The following ZNF532 variants were observed in gnomAD, a reference collection of about 807,000 sequenced individuals.
The protein encoded by ZNF532 is zinc finger protein 532.
Under a neutral mutation model 89.3 loss-of-function variants are expected in ZNF532, and 22 were observed. The observed-to-expected ratio is 0.25, with a 90% CI of 0.18 to 0.35. The LOEUF is 0.35. Ranked by LOEUF, ZNF532 falls within the 10% of genes least tolerant of loss-of-function variation. ZNF532 has a pLI of 1.00. For missense variants in ZNF532, 1,132 were observed against 1,643.4 expected (o/e 0.69, Z 5.38); for synonymous variants, 606 against 649.6 (o/e 0.93, Z 1.02).
chr18:58,983,108 T>C (rs1350451881), intron 9 of ZNF532, among the ~76,000 whole-genome samples: 1 of 151,900 alleles, frequency 6.6e-6, no homozygotes, highest in Non-Finnish European at 1.5e-5. Context: ...CGAGACTCCG[T>C]CTTAAAAAAA....
At chr18:58,863,897 G>A (rs1304869580), upstream of ZNF532, 1 of 152,218 alleles carries the variant, frequency 6.6e-6, no homozygotes, top group East Asian at 2.0e-4. Context: ...GCCGGGGTGA[G>A]CGCGTGAGGC....
At chr18:58,957,406 C>CACATAT (rs1555751185) in intron 7 of ZNF532, among the ~76,000 whole-genome samples, 3 of 138,912 alleles carry the variant, frequency 2.2e-5, no homozygotes, top group South Asian at 2.4e-4. Context: ...ACTTAAAATA[C>CACATAT]ATATATATAT....
chr18:58,943,500 G>T (rs2063395766), intron 5 of ZNF532, among the ~76,000 whole-genome samples: 1 of 143,012 alleles, frequency 7.0e-6, no homozygotes, highest in Non-Finnish European at 1.5e-5. Context: ...GTCTCGCTCT[G>T]TTGCCAGGCT....
At chr18:58,874,991 A>G (rs967199996) in intron 2 of ZNF532, among the ~76,000 whole-genome samples, 2 of 152,152 alleles carry the variant, frequency 1.3e-5, no homozygotes, top group Non-Finnish European at 2.9e-5. Flanking sequence ...ACATATGACT[A>G]CTGAGCACTT....
chr18:58,953,437 C>G (rs1416219126), intron 6 of ZNF532, 81 bp from the exon 7 acceptor site: 1 of 1,242,526 alleles, frequency 8.0e-7, no homozygotes, highest in African/African-American at 1.5e-5. Flanking sequence ...GAAATGTGTA[C>G]CACATGTTAA....
chr18:58,882,148 C>T (rs923923977), intron 2 of ZNF532, among the ~76,000 whole-genome samples: 3 of 152,010 alleles, frequency 2.0e-5, no homozygotes, highest in Admixed American at 6.6e-5. Flanking sequence ...TTAGTAGAGA[C>T]GGGGTTTCAC....
At chr18:58,911,420 T>C (rs1020571543) in intron 2 of ZNF532, among the ~76,000 whole-genome samples, 2 of 152,144 alleles carry the variant, frequency 1.3e-5, no homozygotes, top group Admixed American at 6.5e-5. Flanking sequence ...AGGGAGAGAT[T>C]AGTAACATCT....
chr18:58,933,140 G>T (rs117001517), intron 3 of ZNF532, among the ~76,000 whole-genome samples: 1,779 of 152,156 alleles, frequency 0.012, 18 homozygotes, highest in South Asian at 0.041. Context: ...CCTTGCTGTG[G>T]CTTGTTCTAA....
At chr18:58,905,166 A>G (rs972231993) in intron 2 of ZNF532, among the ~76,000 whole-genome samples, 2 of 152,180 alleles carry the variant, frequency 1.3e-5, no homozygotes, top group East Asian at 1.9e-4. Context: ...CTAATAACCT[A>G]TGGTTTAAAA....
At chr18:58,978,270 ATAT>A (rs1170340407) in intron 7 of ZNF532, among the ~76,000 whole-genome samples, 3 of 152,174 alleles carry the variant, frequency 2.0e-5, no homozygotes, top group Non-Finnish European at 4.4e-5. Flanking sequence ...TTATCAAATG[ATAT>A]TATTTAAAAC....
Position 58,981,605 on chromosome 18 carries a change from A to C in ZNF532, c.3399A>C (p.Lys1133Asn). The C allele has an allele frequency of 1.2e-6, 2 of 1,614,210 alleles. No homozygotes were observed. Among genetic ancestry groups the C allele is most frequent in the Non-Finnish European group, 1.7e-6 (2 of 1,180,010 alleles). Residue 1133 changes from lysine to asparagine, a missense_variant, in exon 9 of 10, where the codon AAA becomes AAC. Physicochemically the swap from Lys to Asn is moderately conservative, Grantham distance 94. This residue lies in a region of ZNF532 where 415 missense variants were observed against 604.8 expected (regional missense o/e 0.69). Transcript: ENST00000591808. ...CCAATGAGGAGGAAACAGAAATAAA[A>C]GAAGACACTAAGGTCTAACATTGCA... ...DATNEEETEI[K>N]EDTKVPSPKR... is the part of the protein sequence containing the mutation.
intron 5 of ZNF532, among the ~76,000 whole-genome samples, chr18:58,944,884 C>T (rs991533119): frequency 6.6e-6 from 1 of 152,152 alleles, no homozygotes; most frequent in Non-Finnish European, 1.5e-5. Flanking sequence ...TGTCTCCCTC[C>T]CTGCTTTGTA....
intron 2 of ZNF532, among the ~76,000 whole-genome samples, chr18:58,913,443 A>G (rs1023031921): frequency 2.0e-5 from 3 of 152,148 alleles, no homozygotes; most frequent in African/African-American, 7.2e-5. Flanking sequence ...TGCTAGATCC[A>G]TTCATTTATT....
chr18:58,878,344 C>T (rs939758964), intron 2 of ZNF532, among the ~76,000 whole-genome samples: 17 of 152,164 alleles, frequency 1.1e-4, no homozygotes, highest in Non-Finnish European at 8.8e-5. Context: ...GGCACAAGTC[C>T]GGTGAAATAG....
intron 6 of ZNF532, 68 bp downstream of exon 6, chr18:58,948,297 G>A: frequency 6.7e-7 from 1 of 1,495,860 alleles, no homozygotes; most frequent in East Asian, 2.3e-5. Flanking sequence ...AATCAAGGCT[G>A]AGCTGCAGGT....
At chr18:58,936,957 CAG>C (rs1377536985) in intron 4 of ZNF532, among the ~76,000 whole-genome samples, 1 of 152,160 alleles carries the variant, frequency 6.6e-6, no homozygotes, top group Non-Finnish European at 1.5e-5. Flanking sequence ...CGTCTTGGTG[CAG>C]TGTGCCTTGC....
At chr18:58,883,817 T>G (rs1219734812) in intron 2 of ZNF532, among the ~76,000 whole-genome samples, 4 of 152,124 alleles carry the variant, frequency 2.6e-5, no homozygotes, top group Admixed American at 6.5e-5. Context: ...CTCTGGACAT[T>G]GCTAAATATA....
At chr18:58,923,212 G>A (rs558446389) in intron 3 of ZNF532, among the ~76,000 whole-genome samples, 10 of 152,090 alleles carry the variant, frequency 6.6e-5, no homozygotes, top group South Asian at 2.1e-4. Context: ...AGCGAAGGGC[G>A]TTGGTTTGTA....
chr18:58,964,253 T>TA (rs745765892), intron 7 of ZNF532: 34 of 152,302 alleles, frequency 2.2e-4, no homozygotes, highest in African/African-American at 5.8e-4. Context: ...TAGCAACAGG[T>TA]AAAAAATTTT....
Sources: gnomAD v4.1 joint callset for allele counts (sites outside exome capture counted in the v4.1 genomes callset) on GRCh38, gnomAD v4.1.1 for gene constraint, gnomAD v4.1.1 regional missense constraint, MANE v1.5 for transcripts, NCBI Gene and HGNC (gene_info 2026-07-23, HGNC 2026-07-21) for gene names.